ANKIB1: variants seen among roughly 807,000 people sequenced by gnomAD.
ANKIB1 encodes ankyrin repeat and IBR domain containing 1.
Under a neutral mutation model 122.1 loss-of-function variants are expected in ANKIB1, and 43 were observed. The ratio of observed to expected loss-of-function variants is 0.35; its 90% confidence interval spans 0.28 to 0.45. ANKIB1 has a LOEUF of 0.45. Ranked by LOEUF, ANKIB1 falls within the 20% of genes least tolerant of loss-of-function variation. The probability of loss-of-function intolerance (pLI) is 1.00; values close to 1 mark genes in which losing one functional copy is unlikely to be tolerated. For missense variants in ANKIB1, 992 were observed against 1,329.5 expected (o/e 0.75, Z 3.95); for synonymous variants, 390 against 442.0 (o/e 0.88, Z 1.48).
At chr7:92,311,950 A>G (rs1052375340) in intron 3 of ANKIB1, among the ~76,000 whole-genome samples, 3 of 152,084 alleles carry the variant, frequency 2.0e-5, no homozygotes, top group Non-Finnish European at 4.4e-5. Flanking sequence ...TCAAAATTGT[A>G]CTGTCTTCTT....
At chr7:92,268,968 A>G (rs2131889790) in intron 1 of ANKIB1, among the ~76,000 whole-genome samples, 1 of 152,340 alleles carries the variant, frequency 6.6e-6, no homozygotes, top group South Asian at 2.1e-4. Flanking sequence ...CATTACTCTA[A>G]AGTATAAATT....
At chr7:92,301,256 A>G (rs1423978105) in intron 2 of ANKIB1, among the ~76,000 whole-genome samples, 1 of 151,932 alleles carries the variant, frequency 6.6e-6, no homozygotes, top group Non-Finnish European at 1.5e-5. Flanking sequence ...TTAATGTTTT[A>G]CTCAACTTCT....
chr7:92,362,373 A>G, intron 10 of ANKIB1, 100 bp downstream of exon 10: 5 of 1,092,162 alleles, frequency 4.6e-6, no homozygotes, highest in Non-Finnish European at 6.7e-6. Flanking sequence ...AGGTTTTCAG[A>G]TTTGTTAATG....
chr7:92,397,844 C>G lies in ANKIB1; in HGVS notation c.2517C>G (p.Asn839Lys), dbSNP rs768477726. The change falls in exon 19 of 20, where the codon AAC becomes AAG. Residue 839 changes from asparagine (N) to lysine (K), a missense_variant. By Grantham distance (94) the Asn-to-Lys change is moderately conservative (BLOSUM62 0). This residue lies in a region of ANKIB1 where 384 missense variants were observed against 412.0 expected (regional missense o/e 0.93). Coordinates refer to ENST00000265742, the MANE Select transcript of ANKIB1 (RefSeq NM_019004.2). ...RDYTPASRSE[N>K]QDSLQALSSL... is the part of the protein sequence containing the mutation. Reference sequence around the variant, plus strand: ...ACACCCCTGCCAGTCGCTCTGAAAACCAGGACTCTCTTCAGGTAGCCTTTC... The same window carrying G: ...ACACCCCTGCCAGTCGCTCTGAAAAGCAGGACTCTCTTCAGGTAGCCTTTC... The G allele has an allele frequency of 5.0e-6, 8 of 1,607,978 alleles. No homozygotes were observed. Among genetic ancestry groups the G allele is most frequent in the Non-Finnish European group, 6.8e-6 (8 of 1,178,206 alleles).
chr7:92,256,651 T>A (rs568711712), intron 1 of ANKIB1, among the ~76,000 whole-genome samples: 9 of 152,286 alleles, frequency 5.9e-5, no homozygotes, highest in African/African-American at 2.2e-4. Flanking sequence ...AGCCAAAAGA[T>A]CTTCATGGCT....
intron 11 of ANKIB1, among the ~76,000 whole-genome samples, chr7:92,381,085 A>G (rs374083782): frequency 2.4e-4 from 36 of 152,334 alleles, no homozygotes; most frequent in African/African-American, 8.7e-4. Flanking sequence ...GCTGAAAACC[A>G]TGGCACGAGA....
intron 7 of ANKIB1, among the ~76,000 whole-genome samples, chr7:92,349,837 T>C (rs1803619078): frequency 6.6e-6 from 1 of 152,042 alleles, no homozygotes; most frequent in African/African-American, 2.4e-5. Context: ...CTTAAGATCA[T>C]ATGGCTTGTT....
At chr7:92,393,779 C>T (rs904286540) in intron 17 of ANKIB1, among the ~76,000 whole-genome samples, 6 of 152,060 alleles carry the variant, frequency 3.9e-5, no homozygotes, top group African/African-American at 7.2e-5. Context: ...TAGGCTTTTA[C>T]GTAAACCTTA....
At chr7:92,377,127 G>A (rs892838367) in intron 11 of ANKIB1, among the ~76,000 whole-genome samples, 4 of 152,124 alleles carry the variant, frequency 2.6e-5, no homozygotes, top group Non-Finnish European at 5.9e-5. Flanking sequence ...TCCTTACTAA[G>A]CTTAATCATC....
intron 9 of ANKIB1, among the ~76,000 whole-genome samples, chr7:92,359,100 C>G (rs1293895539): frequency 6.6e-6 from 1 of 152,118 alleles, no homozygotes; most frequent in Non-Finnish European, 1.5e-5. Context: ...TACTTAAGTT[C>G]TGTTGTACAT....
intron 1 of ANKIB1, among the ~76,000 whole-genome samples, chr7:92,279,187 A>G (rs1801966210): frequency 6.6e-6 from 1 of 152,158 alleles, no homozygotes; most frequent in Non-Finnish European, 1.5e-5. Context: ...TCAGGGGGTA[A>G]TGTTCACTTG....
At chr7:92,306,304 T>C (rs1321485642) in intron 2 of ANKIB1, among the ~76,000 whole-genome samples, 1 of 152,116 alleles carries the variant, frequency 6.6e-6, no homozygotes, top group Non-Finnish European at 1.5e-5. Context: ...ATCCCTTCCC[T>C]TGCCTTTTCT....
intron 12 of ANKIB1, among the ~76,000 whole-genome samples, chr7:92,387,516 A>G (rs1331857040): frequency 1.3e-5 from 2 of 152,174 alleles, no homozygotes; most frequent in South Asian, 2.1e-4. Flanking sequence ...GGCTCCTGTA[A>G]TCCCAGCTAC....
chr7:92,279,444 A>T (rs561292810), intron 1 of ANKIB1, among the ~76,000 whole-genome samples: 1 of 152,350 alleles, frequency 6.6e-6, no homozygotes, highest in South Asian at 2.1e-4. Context: ...GCTCAATTTT[A>T]GATTGTCCCA....
intron 3 of ANKIB1, among the ~76,000 whole-genome samples, chr7:92,313,100 G>A (rs968145492): frequency 4.6e-5 from 7 of 152,116 alleles, no homozygotes; most frequent in Non-Finnish European, 2.9e-5. Context: ...GTTTTTGATA[G>A]TGCTTTACTC....
At chr7:92,352,301 A>AT (rs1306680177) in intron 8 of ANKIB1, among the ~76,000 whole-genome samples, 175 bp from the exon 9 acceptor site, 95 of 152,146 alleles carry the variant, frequency 6.2e-4, no homozygotes, top group African/African-American at 2.2e-3. Context: ...CCCCTTAATA[A>AT]TTTTTTCAGT....
At chr7:92,380,857 G>A (rs926319997) in intron 11 of ANKIB1, among the ~76,000 whole-genome samples, 1 of 152,168 alleles carries the variant, frequency 6.6e-6, no homozygotes, top group African/African-American at 2.4e-5. Context: ...CTCCTCCAGA[G>A]GATTGCAGCT....
At chr7:92,370,910 A>G (rs570428527) in intron 10 of ANKIB1, among the ~76,000 whole-genome samples, 9 of 152,310 alleles carry the variant, frequency 5.9e-5, no homozygotes, top group African/African-American at 1.9e-4. Context: ...AGAACTGGGA[A>G]TGGAGAGGAA....
chr7:92,366,563 G>A (rs1342050722), intron 10 of ANKIB1, among the ~76,000 whole-genome samples: 4 of 152,128 alleles, frequency 2.6e-5, no homozygotes, highest in South Asian at 4.1e-4. Flanking sequence ...GTCCTTCTCT[G>A]GTAGAACAAA....
Sources: gnomAD v4.1 joint callset for allele counts (sites outside exome capture counted in the v4.1 genomes callset) on GRCh38, gnomAD v4.1.1 for gene constraint, gnomAD v4.1.1 regional missense constraint, MANE v1.5 for transcripts, NCBI Gene and HGNC (gene_info 2026-07-23, HGNC 2026-07-21) for gene names.